The following PLCB1 variants were observed in gnomAD, a reference collection of about 807,000 sequenced individuals.
PLCB1 encodes 1-phosphatidylinositol 4,5-bisphosphate phosphodiesterase beta-1.
A neutral mutation model predicts 161.8 loss-of-function variants in PLCB1; 46 were observed. The observed-to-expected ratio is 0.28, with a 90% confidence interval of 0.22 to 0.36. PLCB1 has a LOEUF of 0.36. PLCB1 is among the 10% of genes least tolerant of loss of function. PLCB1 has a pLI of 1.00. For synonymous variants in PLCB1, 517 were observed against 503.7 expected (o/e 1.03, Z -0.35); for missense variants, 1,016 against 1,472.5 (o/e 0.69, Z 5.07).
At chr20:8,644,500 G>C (rs1458581464) in intron 4 of PLCB1, among the ~76,000 whole-genome samples, 1 of 149,484 alleles carries the variant, frequency 6.7e-6, no homozygotes, top group Non-Finnish European at 1.5e-5. Context: ...CCGTCTGGGA[G>C]GTGAGGAGCG....
intron 3 of PLCB1, among the ~76,000 whole-genome samples, chr20:8,541,568 GAAA>G (rs1366088133): frequency 7.8e-6 from 1 of 128,670 alleles, no homozygotes; most frequent in Non-Finnish European, 1.7e-5. Context: ...GAAAGAGAAA[GAAA>G]GAAAGAAAGA....
chr20:8,221,891 G>T (rs1402706828), intron 2 of PLCB1, among the ~76,000 whole-genome samples: 12 of 152,096 alleles, frequency 7.9e-5, no homozygotes, highest in Admixed American at 5.9e-4. Context: ...ATGCTGAATT[G>T]AAGCAAAAAC....
rs563747284 is a variant in PLCB1 at position 8,581,382 on chromosome 20, T to C, written c.247-46912T>C. ...AAGTGACTTGGCGACCATTTGGATA[T>C]AGGAGGTGAAGGTGAAAAGTGAACC... On this transcript the variant is annotated intron_variant, in intron 3 of 31. Coordinates refer to ENST00000338037, the MANE Select transcript of PLCB1 (RefSeq NM_015192.4). Among the ~76,000 whole-genome samples, 5 of 152,240 alleles carry C rather than the reference T, an allele frequency of 3.3e-5. No individual in the cohort carries two copies. The South Asian group carries it at 1.0e-3, about 32-fold the overall frequency.
intron 2 of PLCB1, among the ~76,000 whole-genome samples, chr20:8,202,543 C>T (rs752272012): frequency 1.4e-4 from 21 of 152,188 alleles, no homozygotes; most frequent in Non-Finnish European, 2.2e-4. Flanking sequence ...ATATTTATGA[C>T]AGATAGGCAG....
intron 3 of PLCB1, among the ~76,000 whole-genome samples, chr20:8,512,959 C>G (rs1439451832): frequency 6.6e-6 from 1 of 152,170 alleles, no homozygotes; most frequent in Non-Finnish European, 1.5e-5. Context: ...CCCACCCTCT[C>G]CCAACGTCTG....
rs553722765 is a variant in PLCB1, at chr20:8,746,963, T to C, written c.2523+5390T>C. Among the ~76,000 whole-genome samples the C allele has an allele frequency of 3.9e-5, 6 of 152,300 alleles. No homozygotes were observed. In the East Asian group the frequency reaches 9.7e-4, roughly 25 times the overall value. On this transcript the variant is annotated intron_variant, in intron 23 of 31. Coordinates refer to ENST00000338037, the MANE Select transcript of PLCB1 (RefSeq NM_015192.4). ...AATAAGCCCCCAAGTGATGGGATAC[T>C]GCTGGTCCTTGGAGCACAGTTTAAC...
chr20:8,660,120 G>A (rs1368249061), intron 9 of PLCB1, among the ~76,000 whole-genome samples: 1 of 151,946 alleles, frequency 6.6e-6, no homozygotes, highest in Non-Finnish European at 1.5e-5. Context: ...TTTTCTTGGT[G>A]AAGAACTTTG....
chr20:8,356,612 A>G (rs1437695269), intron 2 of PLCB1, among the ~76,000 whole-genome samples: 3 of 152,212 alleles, frequency 2.0e-5, no homozygotes, highest in Non-Finnish European at 2.9e-5. Flanking sequence ...CTTAAGACTC[A>G]GGTTAATTTA....
chr20:8,674,000 C>G (rs1288528234), intron 9 of PLCB1, among the ~76,000 whole-genome samples: 2 of 152,106 alleles, frequency 1.3e-5, no homozygotes. Context: ...CCCCCGGAAG[C>G]AGTCCTCAAA....
intron 2 of PLCB1, among the ~76,000 whole-genome samples, chr20:8,364,986 C>A (rs187154679): frequency 7.2e-5 from 11 of 152,232 alleles, no homozygotes; most frequent in Admixed American, 5.9e-4. Context: ...CTTCTAGATG[C>A]TTTACCTAAC....
At chr20:8,236,038 A>C (rs1980302182) in intron 2 of PLCB1, among the ~76,000 whole-genome samples, 1 of 152,112 alleles carries the variant, frequency 6.6e-6, no homozygotes, top group South Asian at 2.1e-4. Flanking sequence ...ATTCAGTTAA[A>C]GTTAGGAAGG....
chr20:8,766,625 C>T (rs1471356835), intron 26 of PLCB1, among the ~76,000 whole-genome samples: 3 of 152,174 alleles, frequency 2.0e-5, no homozygotes, highest in Non-Finnish European at 4.4e-5. Flanking sequence ...ATGTATCGAA[C>T]GTGCAATAAG....
chr20:8,765,836 C>T (rs139040223), intron 26 of PLCB1, among the ~76,000 whole-genome samples: 380 of 152,206 alleles, frequency 2.5e-3, no homozygotes, highest in African/African-American at 8.1e-3. Flanking sequence ...TACGCCACTA[C>T]GCCTGGCGAA....
At chr20:8,226,684 A>C (rs1270986366) in intron 2 of PLCB1, among the ~76,000 whole-genome samples, 1 of 151,462 alleles carries the variant, frequency 6.6e-6, no homozygotes. Flanking sequence ...GGAGCAAGTA[A>C]AACTAATTTT....
At chr20:8,797,050 G>C (rs1984061081) in intron 31 of PLCB1, among the ~76,000 whole-genome samples, 1 of 152,064 alleles carries the variant, frequency 6.6e-6, no homozygotes, top group Non-Finnish European at 1.5e-5. Flanking sequence ...TAATAGATGA[G>C]AATCTACATT....
At position 8,136,008 on chromosome 20, in the gene PLCB1, G is replaced by A. The variant is rs909256206; in HGVS notation, c.99+3258G>A. Among the ~76,000 whole-genome samples the A allele has an allele frequency of 3.9e-5, 6 of 152,160 alleles. No individual in the cohort carries two copies. In the East Asian group the frequency reaches 5.8e-4, roughly 15 times the overall value. On this transcript the variant is annotated intron_variant, in intron 1 of 31. Transcript: ENST00000338037. ...GACATGGAGAGAAAGAGCAAGGACT[G>A]TAAACTGTACAATAGGACCCCCAGC... is the stretch of plus-strand genomic sequence containing the variant.
intron 3 of PLCB1, among the ~76,000 whole-genome samples, chr20:8,471,859 A>T (rs1357298300): frequency 6.6e-6 from 1 of 152,156 alleles, no homozygotes; most frequent in Non-Finnish European, 1.5e-5. Flanking sequence ...AATTATAAAG[A>T]TCTTCTCATT....
At chr20:8,769,864 G>A (rs1275616535) in intron 26 of PLCB1, among the ~76,000 whole-genome samples, 1 of 152,004 alleles carries the variant, frequency 6.6e-6, no homozygotes, top group African/African-American at 2.4e-5. Flanking sequence ...GATTTATATT[G>A]TGACATATGA....
rs191599123 is a variant in PLCB1 at position 8,724,397 on chromosome 20, G to T, written c.1582-259G>T. Among the ~76,000 whole-genome samples the T allele has an allele frequency of 5.9e-5, 9 of 152,166 alleles. No homozygotes were observed. The East Asian group carries it at 1.4e-3, about 23-fold the overall frequency. ...ATCAGGCATTTCTAAATGGAAAGGA[G>T]GGGGCAGGGGATAGGGAGTGATTAT... On this transcript the variant is annotated intron_variant, in intron 15 of 31. Coordinates refer to ENST00000338037, the MANE Select transcript of PLCB1 (RefSeq NM_015192.4).
Sources: gnomAD v4.1 joint callset for allele counts (sites outside exome capture counted in the v4.1 genomes callset) on GRCh38, gnomAD v4.1.1 for gene constraint, MANE v1.5 for transcripts, NCBI Gene and HGNC (gene_info 2026-07-23, HGNC 2026-07-21) for gene names.